CHD7: variants seen among roughly 807,000 people sequenced by gnomAD.
CHD7 encodes chromodomain helicase DNA binding protein 7.
In CHD7, 24 loss-of-function variants were observed where a neutral mutation model predicts 307.3. That is an observed-to-expected ratio of 0.08 (90% CI 0.06 to 0.11). The LOEUF is 0.11. CHD7 is among the 10% of genes least tolerant of loss of function. The pLI is 1.00. For synonymous variants in CHD7, 1,363 were observed against 1,349.9 expected (o/e 1.01, Z -0.21); for missense variants, 3,106 against 3,727.1 (o/e 0.83, Z 4.34).
chr8:60,824,190 C>T, intron 13 of CHD7, 174 bp downstream of exon 13: 1 of 590,794 alleles, frequency 1.7e-6, no homozygotes, highest in East Asian at 2.8e-5. Flanking sequence ...TGGATTCTTA[C>T]ATTGTTGGCT....
Position 60,830,456 on chromosome 8 carries a change from A to C in CHD7, c.3657A>C (p.Arg1219=). 1 of 1,614,018 alleles carries C rather than the reference A, an allele frequency of 6.2e-7. No individual in the cohort carries two copies. The highest frequency in any genetic ancestry group is 8.5e-7 in the Non-Finnish European group (1 of 1,179,884). Residue 1219 remains arginine (R), a synonymous_variant, in exon 15 of 38, where the codon CGA becomes CGC. Coordinates refer to ENST00000423902, the MANE Select transcript of CHD7 (RefSeq NM_017780.4). ...ELTNIQKKYY[R]AILEKNFTFL... is the part of the protein sequence containing the mutation. ...CAAACATTCAGAAGAAATATTACCGAGCCATCCTTGAGAAGAATTTCACAT... is the reference window on the plus strand; with the variant it reads ...CAAACATTCAGAAGAAATATTACCGCGCCATCCTTGAGAAGAATTTCACAT...
At chr8:60,732,976 T>C (rs1808528423) in intron 1 of CHD7, among the ~76,000 whole-genome samples, 1 of 152,136 alleles carries the variant, frequency 6.6e-6, no homozygotes, top group African/African-American at 2.4e-5. Context: ...GGCTCATACC[T>C]GTAACCCCAG....
rs1418766678 is a variant in CHD7, at chr8:60,742,542, T to C, written c.1110T>C (p.Ser370=). 3 of 1,613,998 alleles carry C rather than the reference T, an allele frequency of 1.9e-6. No homozygotes were observed. The highest frequency in any genetic ancestry group is 1.7e-6 in the Non-Finnish European group (2 of 1,179,894). ...TGCACCAGCAGCCCATCCACCCCAGTGGCTCACTTAACCAAATGAACACAC... is the reference window on the plus strand; with the variant it reads ...TGCACCAGCAGCCCATCCACCCCAGCGGCTCACTTAACCAAATGAACACAC... The part of the protein sequence containing the change: ...GLMHQQPIHP[S]GSLNQMNTQT... Residue 370 remains serine (S), a synonymous_variant, in exon 2 of 38, where the codon AGT becomes AGC. Coordinates refer to ENST00000423902, the MANE Select transcript of CHD7 (RefSeq NM_017780.4).
At chr8:60,811,293 G>C (rs1156424281) in intron 7 of CHD7, among the ~76,000 whole-genome samples, 1 of 152,202 alleles carries the variant, frequency 6.6e-6, no homozygotes, top group African/African-American at 2.4e-5. Flanking sequence ...ATACACAAAA[G>C]AAGTGTAGTC....
chr8:60,759,642 A>G (rs1810076670), intron 2 of CHD7, among the ~76,000 whole-genome samples: 1 of 152,052 alleles, frequency 6.6e-6, no homozygotes, highest in Non-Finnish European at 1.5e-5. Context: ...CTGCAGAGGT[A>G]AGCCCCCGTC....
In CHD7 at chr8:60,845,080, C is replaced by G. The variant is rs907564726; in HGVS notation, c.5050+17C>G. Reference sequence around the variant, plus strand: ...ACCATTCCGGTAGGTCTCCACCATGCTGTTTGTGCTACAGGGTCACAAAGC... The same window carrying G: ...ACCATTCCGGTAGGTCTCCACCATGGTGTTTGTGCTACAGGGTCACAAAGC... On this transcript the variant is annotated intron_variant, in intron 22 of 37. Coordinates refer to ENST00000423902, the MANE Select transcript of CHD7 (RefSeq NM_017780.4). 11 of 1,612,584 alleles carry G rather than the reference C, an allele frequency of 6.8e-6. No individual in the cohort carries two copies. The highest frequency in any genetic ancestry group is 9.3e-6 in the Non-Finnish European group (11 of 1,179,072).
At chr8:60,801,325 G>A (rs552982740) in intron 5 of CHD7, among the ~76,000 whole-genome samples, 1 of 152,296 alleles carries the variant, frequency 6.6e-6, no homozygotes, top group Non-Finnish European at 1.5e-5. Context: ...ATATAATCAT[G>A]AAGTAATATT....
At chr8:60,786,053 G>A (rs1338763941) in intron 3 of CHD7, among the ~76,000 whole-genome samples, 1 of 152,140 alleles carries the variant, frequency 6.6e-6, no homozygotes, top group East Asian at 1.9e-4. Context: ...CTCCCGACCT[G>A]TCCTACCCAG....
Position 60,818,151 on chromosome 8 carries a change from G to C in CHD7, c.2613+1650G>C, listed in dbSNP as rs77057635. Among the ~76,000 whole-genome samples the C allele has an allele frequency of 3.5e-3, 534 of 152,266 alleles. 4 individuals are homozygous for C. The highest frequency in any genetic ancestry group is 0.012 in the African/African-American group (513 of 41,544). ...CATGAAAGTGCACACGCCCCCGTTT[G>C]TTTCATCCCATACATGATCATGGCT... On this transcript the variant is annotated intron_variant, in intron 8 of 37. Transcript: ENST00000423902.
intron 2 of CHD7, among the ~76,000 whole-genome samples, chr8:60,762,513 C>G (rs1366412294): frequency 6.6e-6 from 1 of 152,158 alleles, no homozygotes; most frequent in Non-Finnish European, 1.5e-5. Flanking sequence ...CCTCAGTTTT[C>G]TCACCTCTAA....
intron 1 of CHD7, among the ~76,000 whole-genome samples, chr8:60,689,610 C>A (rs1256080168): frequency 6.6e-6 from 1 of 152,202 alleles, no homozygotes; most frequent in Non-Finnish European, 1.5e-5. Flanking sequence ...AGGATAGGAA[C>A]AACAAACATC....
intron 14 of CHD7, among the ~76,000 whole-genome samples, chr8:60,829,620 G>A (rs1310201307): frequency 6.6e-6 from 1 of 152,042 alleles, no homozygotes; most frequent in Non-Finnish European, 1.5e-5. Context: ...GAAAAGAAAA[G>A]AAAAGTGCTT....
chr8:60,725,358 T>C (rs1449826444), intron 1 of CHD7, among the ~76,000 whole-genome samples: 3 of 152,240 alleles, frequency 2.0e-5, no homozygotes, highest in Admixed American at 1.3e-4. Context: ...TCTATCTGTA[T>C]AGTCCGGAAT....
chr8:60,866,943 T>C lies in CHD7; in HGVS notation c.*1010T>C, dbSNP rs974715763. 2.0e-5 allele frequency: 3 copies of C among 152,422 alleles called. No homozygotes were observed. Among genetic ancestry groups the C allele is most frequent in the Admixed American group, 1.3e-4 (2 of 15,286 alleles). 9.4% of individuals were successfully genotyped at this position (152,422 alleles called of 1,614,324 possible). On this transcript the variant is annotated 3_prime_UTR_variant, in exon 38 of 38. Transcript: ENST00000423902. Reference sequence around the variant, plus strand: ...AGTATATAGGGAAACTGGTGTTCACTCTATTTTTTTTGTATTCGCAATAGA... The same window carrying C: ...AGTATATAGGGAAACTGGTGTTCACCCTATTTTTTTTGTATTCGCAATAGA...
At chr8:60,812,532 C>T (rs963813585) in intron 7 of CHD7, among the ~76,000 whole-genome samples, 17 of 151,712 alleles carry the variant, frequency 1.1e-4, no homozygotes, top group South Asian at 4.2e-4. Context: ...AGCATGGTGG[C>T]GGGTGCCTGT....
At chr8:60,792,890 A>G (rs1811841812) in intron 3 of CHD7, among the ~76,000 whole-genome samples, 1 of 152,216 alleles carries the variant, frequency 6.6e-6, no homozygotes, top group Non-Finnish European at 1.5e-5. Context: ...CAAATTTGAG[A>G]AATATGTAAA....
intron 2 of CHD7, among the ~76,000 whole-genome samples, chr8:60,761,442 T>A (rs1016449282): frequency 6.6e-6 from 1 of 151,910 alleles, no homozygotes; most frequent in Non-Finnish European, 1.5e-5. Flanking sequence ...TGTATACATA[T>A]GTAACTAACC....
chr8:60,810,964 G>A (rs1423348106), intron 7 of CHD7, among the ~76,000 whole-genome samples: 1 of 152,170 alleles, frequency 6.6e-6, no homozygotes. Context: ...TCATAGGAAC[G>A]TGAACTCTGG....
intron 1 of CHD7, among the ~76,000 whole-genome samples, chr8:60,706,327 G>A (rs140936286): frequency 0.014 from 2,078 of 152,202 alleles, 22 homozygotes; most frequent in Non-Finnish European, 0.021. Context: ...ATTTCATATG[G>A]CACATCTTGG....
Sources: gnomAD v4.1 joint callset for allele counts (sites outside exome capture counted in the v4.1 genomes callset) on GRCh38, gnomAD v4.1.1 for gene constraint, MANE v1.5 for transcripts, NCBI Gene and HGNC (gene_info 2026-07-23, HGNC 2026-07-21) for gene names.